GRAMD1B: variants seen among roughly 807,000 people sequenced by gnomAD.
GRAMD1B encodes protein Aster-B.
In GRAMD1B, 37 loss-of-function variants were observed where a neutral mutation model predicts 99.7. The ratio of observed to expected loss-of-function variants is 0.37; its 90% CI spans 0.29 to 0.49. The LOEUF is 0.49. Among genes scored for constraint, GRAMD1B ranks in the 20% least tolerant of loss-of-function variants. The pLI is 0.98. For synonymous variants in GRAMD1B, 427 were observed against 387.6 expected, an observed-to-expected ratio of 1.10 and a Z score of -1.19; for missense variants, 888 against 1,009.2, an observed-to-expected ratio of 0.88 and a Z score of 1.63.
intron 1 of GRAMD1B, among the ~76,000 whole-genome samples, chr11:123,380,618 T>G (rs1946839499): frequency 6.6e-6 from 1 of 152,196 alleles, no homozygotes; most frequent in Non-Finnish European, 1.5e-5. Context: ...GTAGTTGGCG[T>G]TAGGTGATAA....
At chr11:123,589,699 T>C (rs930090377) in intron 4 of GRAMD1B, among the ~76,000 whole-genome samples, 1 of 151,116 alleles carries the variant, frequency 6.6e-6, no homozygotes, top group Non-Finnish European at 1.5e-5. Context: ...TGACCTAAAG[T>C]GATCCGTCCG....
At chr11:123,507,815 A>G (rs1209060254) in intron 2 of GRAMD1B, among the ~76,000 whole-genome samples, 1 of 152,178 alleles carries the variant, frequency 6.6e-6, no homozygotes, top group Non-Finnish European at 1.5e-5. Context: ...GAGGTTTTAT[A>G]TTCTCTACCA....
intron 2 of GRAMD1B, among the ~76,000 whole-genome samples, chr11:123,503,568 A>ATTT (rs1940117986): frequency 6.7e-6 from 1 of 148,200 alleles, no homozygotes; most frequent in Non-Finnish European, 1.5e-5. Context: ...TTTTTTTGTG[A>ATTT]TGGAGTTTCA....
At chr11:123,394,850 T>C (rs1242486243) in intron 1 of GRAMD1B, among the ~76,000 whole-genome samples, 1 of 152,158 alleles carries the variant, frequency 6.6e-6, no homozygotes, top group African/African-American at 2.4e-5. Context: ...GATGGCAACT[T>C]GAACATTGCC....
chr11:123,554,938 G>A (rs924557009), intron 2 of GRAMD1B, among the ~76,000 whole-genome samples: 12 of 152,174 alleles, frequency 7.9e-5, no homozygotes, highest in African/African-American at 2.9e-4. Context: ...CCCAGTGTAT[G>A]GCACAGAGGC....
intron 2 of GRAMD1B, among the ~76,000 whole-genome samples, chr11:123,539,177 A>G (rs2846311): frequency 0.92 from 140,390 of 152,084 alleles, 64,823 homozygotes; most frequent in East Asian, 1. Flanking sequence ...ACAATGAACC[A>G]TAATCATGCT....
At chr11:123,603,281 A>G (rs1952220691) in intron 8 of GRAMD1B, 145 bp from the exon 9 acceptor site, 2 of 625,264 alleles carry the variant, frequency 3.2e-6, no homozygotes, top group African/African-American at 1.8e-5. Context: ...CCCAAGGCAG[A>G]TGGGGGTGGT....
intron 1 of GRAMD1B, among the ~76,000 whole-genome samples, chr11:123,406,892 A>T (rs913336944): frequency 6.6e-6 from 1 of 152,192 alleles, no homozygotes; most frequent in African/African-American, 2.4e-5. Context: ...CACCAAATAT[A>T]TATCAATGTG....
chr11:123,585,711 A>C (rs959350977), intron 4 of GRAMD1B, among the ~76,000 whole-genome samples: 10 of 151,614 alleles, frequency 6.6e-5, no homozygotes, highest in Admixed American at 3.3e-4. Flanking sequence ...CCTTCACTCA[A>C]CTCTCCCTTG....
chr11:123,425,089 T>A (rs761959592), intron 1 of GRAMD1B, among the ~76,000 whole-genome samples: 1 of 152,228 alleles, frequency 6.6e-6, no homozygotes, highest in Non-Finnish European at 1.5e-5. Flanking sequence ...AGCAAGGAGA[T>A]GCTATTTATT....
At position 123,606,664 on chromosome 11, in the gene GRAMD1B, A is replaced by G. The variant is rs149488546; in HGVS notation, c.1379A>G (p.Lys460Arg). 217 of 1,613,306 alleles carry G rather than the reference A, an allele frequency of 1.3e-4. 1 individual carries two copies. In the East Asian group the frequency reaches 3.9e-3, roughly 29 times the overall value. Reference protein sequence around the residue: ...EALEGDGSLEKELAIDNIMGE... With the variant: ...EALEGDGSLERELAIDNIMGE... The stretch of plus-strand genomic sequence containing the variant: ...CTGGAGGGAGACGGGTCCCTGGAAA[A>G]GGAGCTCGCCATTGACAACATCATG... Residue 460 changes from lysine to arginine, a missense_variant, in exon 11 of 20, where the codon AAG becomes AGG. By Grantham distance (26) the Lys-to-Arg change is conservative. Coordinates refer to ENST00000635736, the MANE Select transcript of GRAMD1B (RefSeq NM_001387025.1).
intron 2 of GRAMD1B, among the ~76,000 whole-genome samples, chr11:123,533,072 C>T (rs868520435): frequency 7.2e-5 from 11 of 152,188 alleles, no homozygotes; most frequent in African/African-American, 2.2e-4. Context: ...CTGGTTCAAG[C>T]GATTCTCCTG....
chr11:123,530,560 T>C lies in GRAMD1B; in HGVS notation c.453-46807T>C, dbSNP rs184488439. 2.0e-3 allele frequency among the ~76,000 whole-genome samples: 306 copies of C among 152,324 alleles called. 1 individual carries two copies. The highest frequency in any genetic ancestry group is 7.2e-3 in the African/African-American group (301 of 41,580). On this transcript the variant is annotated intron_variant, in intron 2 of 19. Coordinates refer to ENST00000635736, the MANE Select transcript of GRAMD1B (RefSeq NM_001387025.1). ...CACACCCAGCTAATTTTTGTGTTTT[T>C]AGTAGAGACGGGGTTTCACCATGTT...
intron 2 of GRAMD1B, among the ~76,000 whole-genome samples, chr11:123,504,375 C>T (rs952650998): frequency 2.0e-5 from 3 of 152,292 alleles, no homozygotes; most frequent in African/African-American, 4.8e-5. Context: ...GTGTGCAGTA[C>T]TAGAGATGAC....
rs17672334 is a variant in GRAMD1B at position 123,480,881 on chromosome 11, C to T, written c.440C>T (p.Ala147Val). Residue 147 changes from alanine (A) to valine (V), a missense_variant, in exon 2 of 20, where the codon GCG becomes GTG. Transcript: ENST00000635736. ...DDSSRFLSPR[A>V]REESTASNSN... is the part of the protein sequence containing the mutation. ...TCTAGCAGGTTCCTGAGTCCTCGAGCGCGGGAAGAAAGGTAAGGTCCAACT... is the reference window on the plus strand; with the variant it reads ...TCTAGCAGGTTCCTGAGTCCTCGAGTGCGGGAAGAAAGGTAAGGTCCAACT... 5,313 of 395,356 alleles carry T rather than the reference C, an allele frequency of 0.013. 54 individuals carry two copies. The highest frequency in any genetic ancestry group is 0.016 in the Middle Eastern group (26 of 1,576). The allele number at this position is 395,356 out of a possible 1,614,324, so 24.5% of individuals were successfully genotyped here. A position where few individuals can be genotyped will look rare whatever the true frequency, so the allele number is the denominator to read the frequency against.
rs369503078 is a variant in GRAMD1B at position 123,433,118 on chromosome 11, CTGAGGCGGGAGGGTCACCTGAGG to C, written c.374+1977_374+1999del. Among the ~76,000 whole-genome samples, 514 of 152,142 alleles carry C rather than the reference CTGAGGCGGGAGGGTCACCTGAGG, an allele frequency of 3.4e-3. 2 individuals are homozygous for C. Among genetic ancestry groups the C allele is most frequent in the African/African-American group, 0.011 (452 of 41,486 alleles). On this transcript the variant is annotated intron_variant, in intron 1 of 19. Coordinates refer to ENST00000635736, the MANE Select transcript of GRAMD1B (RefSeq NM_001387025.1). The stretch of plus-strand genomic sequence containing the variant: ...CCTGTAATCCCAGCACTTTGGGAGG[CTGAGGCGGGAGGGTCACCTGAGG>C]TGAGGCGGGAGGGTCACCTGAGGTC...
intron 2 of GRAMD1B, among the ~76,000 whole-genome samples, chr11:123,545,764 A>G (rs1307758783): frequency 3.3e-5 from 5 of 151,820 alleles, no homozygotes; most frequent in Non-Finnish European, 7.4e-5. Context: ...TTTTTTTGGT[A>G]AACTAACTGG....
intron 2 of GRAMD1B, among the ~76,000 whole-genome samples, chr11:123,494,732 A>G (rs58642401): frequency 0.066 from 9,981 of 152,128 alleles, 473 homozygotes; most frequent in African/African-American, 0.13. Context: ...GGCAGGATGG[A>G]TGGTAATTTT....
intron 9 of GRAMD1B, among the ~76,000 whole-genome samples, chr11:123,604,191 C>T (rs1592235149): frequency 6.6e-6 from 1 of 152,146 alleles, no homozygotes; most frequent in East Asian, 1.9e-4. Flanking sequence ...GTGTGGAGTG[C>T]ACAGGGAAGC....
Sources: gnomAD v4.1 joint callset for allele counts (sites outside exome capture counted in the v4.1 genomes callset) on GRCh38, gnomAD v4.1.1 for gene constraint, MANE v1.5 for transcripts, NCBI Gene and HGNC (gene_info 2026-07-23, HGNC 2026-07-21) for gene names.